TBC1D1: variants seen among roughly 807,000 people sequenced by gnomAD.
TBC1D1 encodes the protein TBC1 domain family member 1.
In TBC1D1, 89 loss-of-function variants were observed where a neutral mutation model predicts 125.6. The observed-to-expected ratio is 0.71, with a 90% confidence interval of 0.60 to 0.85. The LOEUF (loss-of-function observed/expected upper bound fraction) is 0.85, where lower values mean the gene tolerates loss of function less well. TBC1D1 is among the 40% of genes least tolerant of loss of function. The probability of loss-of-function intolerance (pLI) is 0.00; values close to 1 mark genes in which losing one functional copy is unlikely to be tolerated. For missense variants in TBC1D1, 1,377 were observed against 1,469.2 expected (o/e 0.94, Z 1.03); for synonymous variants, 565 against 564.1 (o/e 1.00, Z -0.02).
At chr4:37,916,324 C>T (rs1719719786) in intron 2 of TBC1D1, among the ~76,000 whole-genome samples, 1 of 151,780 alleles carries the variant, frequency 6.6e-6, no homozygotes, top group South Asian at 2.1e-4. Context: ...TGTTCTCTCT[C>T]TCTGTATGTG....
At chr4:38,122,431 C>T (rs1302207077) in intron 17 of TBC1D1, among the ~76,000 whole-genome samples, 1 of 152,210 alleles carries the variant, frequency 6.6e-6, no homozygotes, top group African/African-American at 2.4e-5. Flanking sequence ...CCTGCCTTGC[C>T]AGCCAGACTG....
chr4:38,007,788 TCA>T (rs1436436479), intron 2 of TBC1D1, among the ~76,000 whole-genome samples: 2 of 152,246 alleles, frequency 1.3e-5, no homozygotes, highest in Non-Finnish European at 2.9e-5. Context: ...TTCGTGCTGT[TCA>T]CAGTTTGCCA....
intron 2 of TBC1D1, among the ~76,000 whole-genome samples, chr4:37,997,903 T>C (rs1029821282): frequency 1.3e-5 from 2 of 152,194 alleles, no homozygotes; most frequent in African/African-American, 2.4e-5. Flanking sequence ...GTTCCCACTT[T>C]TTGTTCAGGG....
chr4:38,000,686 T>C (rs1738869190), intron 2 of TBC1D1, among the ~76,000 whole-genome samples: 1 of 152,172 alleles, frequency 6.6e-6, no homozygotes, highest in African/African-American at 2.4e-5. Context: ...CAGCAACCAG[T>C]TCTCTGATTC....
At chr4:38,051,077 C>T (rs148287779) in intron 11 of TBC1D1, among the ~76,000 whole-genome samples, 463 of 152,304 alleles carry the variant, frequency 3.0e-3, no homozygotes, top group African/African-American at 0.011. Context: ...CTGTTGTTGG[C>T]GTTTTCAGTG....
Position 38,125,089 on chromosome 4 carries a change from A to G in TBC1D1, c.3090A>G (p.Leu1030=). The G allele has an allele frequency of 1.2e-6, 2 of 1,614,146 alleles. No individual in the cohort carries two copies. Among genetic ancestry groups the G allele is most frequent in the Non-Finnish European group, 1.7e-6 (2 of 1,180,018 alleles). Residue 1030 remains leucine, a synonymous_variant, in exon 18 of 20, where the codon CTA becomes CTG. Coordinates refer to ENST00000261439, the MANE Select transcript of TBC1D1 (RefSeq NM_015173.4). Reference sequence around the variant, plus strand: ...TAGTTGACTTTATAAAAAGCACGCTACCCAACCTTGGCTTGGTACAGATGG... The same window carrying G: ...TAGTTGACTTTATAAAAAGCACGCTGCCCAACCTTGGCTTGGTACAGATGG...
chr4:37,910,671 G>A (rs1216406568), intron 2 of TBC1D1, among the ~76,000 whole-genome samples: 2 of 152,116 alleles, frequency 1.3e-5, no homozygotes, highest in Non-Finnish European at 2.9e-5. Flanking sequence ...GGGCTGGGGA[G>A]TGAGGGGAGA....
intron 8 of TBC1D1, among the ~76,000 whole-genome samples, chr4:38,038,722 C>T (rs556455961): frequency 6.6e-6 from 1 of 151,994 alleles, no homozygotes; most frequent in South Asian, 2.1e-4. Context: ...CTGAGGTGGG[C>T]GGATCATGAG....
Position 38,122,074 on chromosome 4 carries a change from C to T in TBC1D1, c.2963-2888C>T, listed in dbSNP as rs576995129. On this transcript the variant is annotated intron_variant, in intron 17 of 19. Coordinates refer to ENST00000261439, the MANE Select transcript of TBC1D1 (RefSeq NM_015173.4). The stretch of plus-strand genomic sequence containing the variant: ...GAAGCTTCTGGGGCTGAACTTTCTC[C>T]GGCCTTGGAGGGTTGGACGCTTTGA... Among the ~76,000 whole-genome samples the T allele has an allele frequency of 8.5e-5, 13 of 152,272 alleles. No homozygotes were observed. In the South Asian group the frequency reaches 1.0e-3, roughly 12 times the overall value.
intron 2 of TBC1D1, among the ~76,000 whole-genome samples, chr4:37,922,985 C>A (rs533294789): frequency 6.1e-4 from 92 of 151,774 alleles, no homozygotes; most frequent in African/African-American, 1.7e-3. Context: ...ACTTTAAGTT[C>A]TTGGATACAT....
At chr4:38,023,289 A>G (rs1578312848) in intron 6 of TBC1D1, among the ~76,000 whole-genome samples, 1 of 152,126 alleles carries the variant, frequency 6.6e-6, no homozygotes, top group Non-Finnish European at 1.5e-5. Context: ...ATAAGTTTGC[A>G]AAGAAAGCAT....
In TBC1D1 at chr4:38,137,300, C is replaced by T. The variant is rs1487255614; in HGVS notation, c.3472C>T (p.Pro1158Ser). 1 of 1,611,346 alleles carries T rather than the reference C, an allele frequency of 6.2e-7. No homozygotes were observed. The highest frequency in any genetic ancestry group is 8.5e-7 in the Non-Finnish European group (1 of 1,179,832). The change falls in exon 20 of 20, where the codon CCT becomes TCT. Residue 1158 changes from proline (P) to serine (S), a missense_variant. Pro to Ser is a moderately conservative substitution (Grantham distance 74). This residue lies in a region of TBC1D1 where 543 missense variants were observed against 613.5 expected (regional missense o/e 0.89). Coordinates refer to ENST00000261439, the MANE Select transcript of TBC1D1 (RefSeq NM_015173.4). ...GAGCGCAGAGCCCAGCGACCGGGAG[C>T]CTGAGTGCACGCAGCCCGAGCCCAC...
intron 2 of TBC1D1, among the ~76,000 whole-genome samples, chr4:37,914,466 T>C (rs6840065): frequency 0.018 from 2,675 of 152,244 alleles, 83 homozygotes; most frequent in African/African-American, 0.061. Flanking sequence ...CCATTGCAAA[T>C]ACACCACTTC....
rs763511104 is a variant in TBC1D1 at position 38,124,971 on chromosome 4, T to G, written c.2972T>G (p.Phe991Cys). The G allele has an allele frequency of 6.2e-7, 1 of 1,613,254 alleles. No homozygotes were observed. The highest frequency in any genetic ancestry group is 2.2e-5 in the East Asian group (1 of 44,882). ...TTCTGTGTTTTCTCAGATATGATTT[T>G]TCTTCAGGGAACAGAGGTCATATTT... Residue 991 changes from phenylalanine to cysteine, a missense_variant, in exon 18 of 20, where the codon TTT becomes TGT. Phe to Cys is a radical substitution (Grantham distance 205, BLOSUM62 -2). This residue lies in a region of TBC1D1 where 543 missense variants were observed against 613.5 expected (regional missense o/e 0.89). Transcript: ENST00000261439.
At chr4:38,060,602 G>A in intron 12 of TBC1D1, 1 of 1,288,566 alleles carries the variant, frequency 7.8e-7, no homozygotes, top group Non-Finnish European at 1.0e-6. Context: ...CTGTGTGACA[G>A]CCTTCTCTCT....
chr4:38,121,614 C>T (rs1763864828), intron 17 of TBC1D1, among the ~76,000 whole-genome samples: 1 of 152,158 alleles, frequency 6.6e-6, no homozygotes. Flanking sequence ...CTGCGCTGGG[C>T]GGCTCCAACA....
chr4:38,087,493 A>G (rs189773823), intron 12 of TBC1D1, among the ~76,000 whole-genome samples: 75 of 152,314 alleles, frequency 4.9e-4, no homozygotes, highest in African/African-American at 1.8e-3. Context: ...GAAGGATGAG[A>G]TTAGAAGAAG....
At chr4:37,926,235 C>T (rs560717773) in intron 2 of TBC1D1, among the ~76,000 whole-genome samples, 2 of 152,308 alleles carry the variant, frequency 1.3e-5, no homozygotes, top group South Asian at 2.1e-4. Flanking sequence ...GGATTTACAC[C>T]AGGATAAGGA....
At chr4:38,112,079 C>T in intron 15 of TBC1D1, 1 of 985,362 alleles carries the variant, frequency 1.0e-6, no homozygotes. Flanking sequence ...GAAACTGCAT[C>T]CTGGAAGCCT....
Sources: gnomAD v4.1 joint callset for allele counts (sites outside exome capture counted in the v4.1 genomes callset) on GRCh38, gnomAD v4.1.1 for gene constraint, gnomAD v4.1.1 regional missense constraint, MANE v1.5 for transcripts, NCBI Gene and HGNC (gene_info 2026-07-23, HGNC 2026-07-21) for gene names.